GBF1: variants seen among roughly 807,000 people sequenced by gnomAD.
The protein encoded by GBF1 is golgi brefeldin A resistant guanine nucleotide exchange factor 1, also known as Golgi-specific brefeldin A-resistance guanine nucleotide exchange factor 1.
Under a neutral mutation model 210.5 loss-of-function variants are expected in GBF1, and 114 were observed. The observed-to-expected ratio is 0.54, with a 90% CI of 0.47 to 0.63. GBF1 has a LOEUF of 0.63. Ranked by LOEUF, GBF1 falls within the 30% of genes least tolerant of loss-of-function variation. GBF1 has a pLI of 0.00. For synonymous variants in GBF1, 850 were observed against 889.2 expected, an observed-to-expected ratio of 0.96 and a Z score of 0.78; for missense variants, 1,851 against 2,357.7, an observed-to-expected ratio of 0.79 and a Z score of 4.45.
In GBF1 at chr10:102,281,402, A is replaced by G. The variant is rs183913869; in HGVS notation, c.163+21286A>G. Among the ~76,000 whole-genome samples the G allele has an allele frequency of 1.8e-3, 271 of 152,226 alleles. 1 individual carries two copies. The highest frequency in any genetic ancestry group is 5.8e-3 in the African/African-American group (243 of 41,550). On this transcript the variant is annotated intron_variant, in intron 3 of 39. Coordinates refer to ENST00000369983, the MANE Select transcript of GBF1 (RefSeq NM_001377137.1). ...AAGATAGCTACCTACCTTACCAACA[A>G]TCTGCATAAAATACTAAATCTACTA...
intron 3 of GBF1, among the ~76,000 whole-genome samples, chr10:102,342,777 G>C (rs980178237): frequency 1.3e-5 from 2 of 152,020 alleles, no homozygotes; most frequent in African/African-American, 4.8e-5. Flanking sequence ...TAGGGAGCTG[G>C]TCTCTGAAAG....
In GBF1 at chr10:102,365,513, C is replaced by G; in HGVS notation, c.2223C>G (p.Leu741=). ...ACAACACAGAGGTTGCTCAGTGGCTCCGAGAGAACCCTCGGCTGGACAAGA... is the reference window on the plus strand; with the variant it reads ...ACAACACAGAGGTTGCTCAGTGGCTGCGAGAGAACCCTCGGCTGGACAAGA... ...PMDNTEVAQW[L]RENPRLDKKM... is the part of the protein sequence containing the mutation. The change falls in exon 18 of 40, where the codon CTC becomes CTG. Residue 741 remains leucine (L), a synonymous_variant. Coordinates refer to ENST00000369983, the MANE Select transcript of GBF1 (RefSeq NM_001377137.1). The G allele has an allele frequency of 6.2e-7, 1 of 1,614,182 alleles. No homozygotes were observed. Among genetic ancestry groups the G allele is most frequent in the South Asian group, 1.1e-5 (1 of 91,088 alleles).
chr10:102,378,651 A>C (rs1288701917), intron 33 of GBF1, among the ~76,000 whole-genome samples: 1 of 152,066 alleles, frequency 6.6e-6, no homozygotes, highest in African/African-American at 2.4e-5. Context: ...TAAAATAAGA[A>C]ATAAAATTAG....
At chr10:102,279,934 C>G (rs970228681) in intron 3 of GBF1, among the ~76,000 whole-genome samples, 1 of 152,114 alleles carries the variant, frequency 6.6e-6, no homozygotes, top group African/African-American at 2.4e-5. Context: ...GCCTGAGTAA[C>G]TAGTGAGACC....
At chr10:102,336,302 AAAAAAAAAAAAAG>A (rs200774375) in intron 3 of GBF1, among the ~76,000 whole-genome samples, 2,109 of 149,826 alleles carry the variant, frequency 0.014, 43 homozygotes, top group African/African-American at 0.048. Context: ...TTTGTCTCAA[AAAAAAAAAAAAAG>A]AAAAAAAAAA....
chr10:102,337,870 G>A (rs2057877610), intron 3 of GBF1, among the ~76,000 whole-genome samples: 1 of 151,962 alleles, frequency 6.6e-6, no homozygotes, highest in Admixed American at 6.6e-5. Context: ...AAGAAAGAAA[G>A]AAAGAAAGAA....
At chr10:102,230,978 G>A in the GBF1 span, 2 of 1,606,976 alleles carry the variant, frequency 1.2e-6, no homozygotes, top group Non-Finnish European at 1.7e-6. Context: ...GAGTAGCCGG[G>A]GTACACCTCC....
intron 3 of GBF1, among the ~76,000 whole-genome samples, chr10:102,320,365 G>A (rs2056286728): frequency 6.6e-6 from 1 of 152,056 alleles, no homozygotes; most frequent in Admixed American, 6.6e-5. Context: ...TGAAACACTT[G>A]GTGTGGGTCT....
intron 4 of GBF1, among the ~76,000 whole-genome samples, chr10:102,348,767 C>G (rs2058743762): frequency 6.6e-6 from 1 of 152,192 alleles, no homozygotes; most frequent in East Asian, 1.9e-4. Context: ...CAAAGAAAGT[C>G]TTGATGTGGT....
chr10:102,309,586 A>G (rs1277738329), intron 3 of GBF1, among the ~76,000 whole-genome samples: 1 of 152,146 alleles, frequency 6.6e-6, no homozygotes, highest in Non-Finnish European at 1.5e-5. Context: ...TGTAAGTGAG[A>G]TATTGCTTGT....
intron 14 of GBF1, 55 bp from the exon 15 acceptor site, chr10:102,362,420 C>A: frequency 3.2e-6 from 4 of 1,260,012 alleles, no homozygotes; most frequent in South Asian, 2.7e-5. Context: ...AGAAAATGAT[C>A]AAAGTGTAAA....
At position 102,357,716 on chromosome 10, in the gene GBF1, T is replaced by C. The variant is rs574021740; in HGVS notation, c.640-323T>C. ...CTGCAAGAGGGTCATGCATCATCCA[T>C]AGGGCTCGGGATTTCCTGCTTAATG... On this transcript the variant is annotated intron_variant, in intron 8 of 39. Transcript: ENST00000369983. 5.3e-5 allele frequency among the ~76,000 whole-genome samples: 8 copies of C among 152,214 alleles called. No homozygotes were observed. In the East Asian group the frequency reaches 1.4e-3, roughly 26 times the overall value.
chr10:102,242,190 G>A (rs1282065677), upstream of GBF1, among the ~76,000 whole-genome samples: 1 of 152,048 alleles, frequency 6.6e-6, no homozygotes, highest in Non-Finnish European at 1.5e-5. Flanking sequence ...AGGTGACTTC[G>A]TGGAGACAGC....
In GBF1 at chr10:102,382,400, C is replaced by A. The variant is rs1246897463; in HGVS notation, c.*64C>A. On this transcript the variant is annotated 3_prime_UTR_variant, in exon 40 of 40. Coordinates refer to ENST00000369983, the MANE Select transcript of GBF1 (RefSeq NM_001377137.1). ...AGGCTTTCCTTGACCCCACTTCTGG[C>A]TGTCCTGCGGGCCACAAGCTCTTCA... 1 of 1,434,474 alleles carries A rather than the reference C, an allele frequency of 7.0e-7. No individual in the cohort carries two copies. The allele number at this position is 1,434,474 out of a possible 1,614,324, so 88.9% of individuals were successfully genotyped here.
chr10:102,322,417 G>C (rs1325653158), intron 3 of GBF1, among the ~76,000 whole-genome samples: 1 of 152,080 alleles, frequency 6.6e-6, no homozygotes, highest in Non-Finnish European at 1.5e-5. Flanking sequence ...TCTTTCCCCA[G>C]TTTATGTCCA....
intron 3 of GBF1, among the ~76,000 whole-genome samples, chr10:102,271,553 C>T (rs1213832831): frequency 6.7e-6 from 1 of 148,932 alleles, no homozygotes; most frequent in Non-Finnish European, 1.5e-5. Flanking sequence ...TTTTTGAGGA[C>T]ACCAGCCCAT....
At chr10:102,329,714 C>T (rs1307207693) in intron 3 of GBF1, among the ~76,000 whole-genome samples, 7 of 152,256 alleles carry the variant, frequency 4.6e-5, no homozygotes, top group Admixed American at 6.5e-5. Flanking sequence ...CCACCTGCCT[C>T]GGCCTCCCAA....
At chr10:102,289,410 G>A (rs549196291) in intron 3 of GBF1, among the ~76,000 whole-genome samples, 7 of 152,192 alleles carry the variant, frequency 4.6e-5, no homozygotes, top group African/African-American at 1.7e-4. Flanking sequence ...TTGTTACAAT[G>A]GAGAATCAGT....
chr10:102,268,214 A>G (rs1321084244), intron 3 of GBF1, among the ~76,000 whole-genome samples: 1 of 152,250 alleles, frequency 6.6e-6, no homozygotes, highest in Non-Finnish European at 1.5e-5. Context: ...ACAGCTCTGC[A>G]TAATCTGTCC....
Sources: allele counts gnomAD v4.1 joint callset (sites outside exome capture counted in the v4.1 genomes callset), GRCh38; gene constraint gnomAD v4.1.1; transcripts MANE v1.5; gene names NCBI Gene and HGNC (gene_info 2026-07-23, HGNC 2026-07-21).